WDPCP: variants seen among roughly 807,000 people sequenced by gnomAD.
The protein encoded by WDPCP is WD repeat containing planar cell polarity effector.
Under a neutral mutation model 93.1 loss-of-function variants are expected in WDPCP, and 71 were observed. That is an observed-to-expected ratio of 0.76 (90% CI 0.63 to 0.93). The LOEUF (loss-of-function observed/expected upper bound fraction) is 0.93. WDPCP is among the 40% of genes least tolerant of loss of function. WDPCP has a pLI of 0.00. For synonymous variants in WDPCP, 315 were observed against 315.0 expected (o/e 1.00, Z 0.00); for missense variants, 844 against 887.4 (o/e 0.95, Z 0.62).
At chr2:63,525,930 G>A (rs972512769) in intron 1 of WDPCP, among the ~76,000 whole-genome samples, 2 of 152,178 alleles carry the variant, frequency 1.3e-5, no homozygotes, top group Non-Finnish European at 2.9e-5. Flanking sequence ...AGTCACTTCA[G>A]GTTATGCTTT....
intron 3 of WDPCP, chr2:63,606,017 G>A: frequency 6.2e-7 from 1 of 1,613,872 alleles, no homozygotes; most frequent in Non-Finnish European, 8.5e-7. Context: ...CTCATTCCCT[G>A]TTGTAATCAA....
chr2:63,595,431 T>G (rs750637827), intron 3 of WDPCP: 2 of 1,605,488 alleles, frequency 1.2e-6, no homozygotes, highest in Non-Finnish European at 1.7e-6. Flanking sequence ...AGCCTATAAT[T>G]CTTGTGCTGT....
intron 2 of WDPCP, among the ~76,000 whole-genome samples, chr2:63,745,756 G>A (rs1669785346): frequency 6.6e-6 from 1 of 152,020 alleles, no homozygotes; most frequent in South Asian, 2.1e-4. Context: ...TGAATGTTCT[G>A]TATGACTCCT....
chr2:63,152,781 C>T, intron 17 of WDPCP, 133 bp downstream of exon 17: 1 of 755,310 alleles, frequency 1.3e-6, no homozygotes, highest in South Asian at 1.8e-5. Context: ...TAATATAGAC[C>T]AGTTAATCTA....
At chr2:63,782,942 C>G (rs1453812189) in intron 2 of WDPCP, among the ~76,000 whole-genome samples, 2 of 152,018 alleles carry the variant, frequency 1.3e-5, no homozygotes, top group African/African-American at 4.8e-5. Context: ...AGTGTCACTT[C>G]CTTATTAAAA....
At chr2:63,651,871 T>G (rs999705677) in intron 2 of WDPCP, among the ~76,000 whole-genome samples, 1 of 152,234 alleles carries the variant, frequency 6.6e-6, no homozygotes, top group Non-Finnish European at 1.5e-5. Flanking sequence ...CCTTGAAGAA[T>G]GAATACAATT....
intron 2 of WDPCP, among the ~76,000 whole-genome samples, chr2:63,800,612 C>T (rs772762950): frequency 6.6e-6 from 1 of 152,044 alleles, no homozygotes; most frequent in Admixed American, 6.6e-5. Flanking sequence ...TATGTGGGTC[C>T]CCTAGGCAGA....
intron 14 of WDPCP, among the ~76,000 whole-genome samples, chr2:63,211,600 GC>G (rs752116885): frequency 6.1e-4 from 93 of 152,312 alleles, no homozygotes; most frequent in Non-Finnish European, 1.1e-3. Flanking sequence ...ACAGAACAAA[GC>G]TGGATGGAGA....
At position 63,225,050 on chromosome 2, in the gene WDPCP, A is replaced by G. The variant is rs202076879; in HGVS notation, c.1915+34257T>C. ...CAGCTTAATTTTGCTGTGAACCTAC[A>G]ATGACTAAAAAAAAAAAAAGAAACC... On this transcript the variant is annotated intron_variant, in intron 14 of 17. Coordinates refer to ENST00000272321, the MANE Select transcript of WDPCP (RefSeq NM_015910.7). 4.6e-5 allele frequency among the ~76,000 whole-genome samples: 7 copies of G among 150,894 alleles called. No individual in the cohort carries two copies. In the East Asian group the frequency reaches 9.6e-4, roughly 21 times the overall value.
At chr2:63,828,986 A>G (rs919060547), upstream of WDPCP, among the ~76,000 whole-genome samples, 1 of 152,174 alleles carries the variant, frequency 6.6e-6, no homozygotes. Context: ...AAGCTTATAA[A>G]TTTGTATTTT....
intron 2 of WDPCP, among the ~76,000 whole-genome samples, chr2:63,662,001 G>C (rs1323162690): frequency 6.6e-6 from 1 of 152,182 alleles, no homozygotes; most frequent in Non-Finnish European, 1.5e-5. Context: ...AGAACTTAGA[G>C]ACAAGGTAAG....
At chr2:63,474,212 T>A (rs760977701) in intron 6 of WDPCP, among the ~76,000 whole-genome samples, 5 of 152,112 alleles carry the variant, frequency 3.3e-5, no homozygotes, top group Non-Finnish European at 7.4e-5. Flanking sequence ...GAATATCCAA[T>A]TACAGGATAT....
chr2:63,155,049 C>T (rs1161450189), intron 15 of WDPCP, among the ~76,000 whole-genome samples: 2 of 152,138 alleles, frequency 1.3e-5, no homozygotes. Context: ...AACTCCTTTG[C>T]TGGATATGTG....
chr2:63,588,971 T>C (rs541550600), upstream of WDPCP: 259 of 1,610,912 alleles, frequency 1.6e-4, 1 homozygote, highest in Middle Eastern at 1.6e-4. Flanking sequence ...CCGAGTCAGT[T>C]CCGCGGTAGA....
chr2:63,162,290 T>C (rs903289111), intron 15 of WDPCP, among the ~76,000 whole-genome samples: 2 of 152,232 alleles, frequency 1.3e-5, no homozygotes, highest in African/African-American at 2.4e-5. Context: ...ATTAATACTT[T>C]GATAAATTCA....
intron 2 of WDPCP, among the ~76,000 whole-genome samples, chr2:63,740,149 C>A (rs1181200716): frequency 6.6e-6 from 1 of 152,054 alleles, no homozygotes; most frequent in Non-Finnish European, 1.5e-5. Flanking sequence ...TACAAACATT[C>A]TCATATATGT....
At chr2:63,622,758 C>G (rs181906211) in intron 3 of WDPCP, 3 of 1,612,988 alleles carry the variant, frequency 1.9e-6, no homozygotes, top group Non-Finnish European at 1.7e-6. Flanking sequence ...ATTCGGGTAC[C>G]GCTGCCAGAA....
upstream of WDPCP, chr2:63,593,752 T>C (rs756770861): frequency 3.9e-5 from 18 of 460,076 alleles, no homozygotes; most frequent in Non-Finnish European, 6.7e-5. Context: ...CATTATTGTT[T>C]TGTTCTTTTT....
At chr2:63,507,236 A>G (rs1417564330) in intron 1 of WDPCP, among the ~76,000 whole-genome samples, 2 of 152,152 alleles carry the variant, frequency 1.3e-5, no homozygotes, top group African/African-American at 4.8e-5. Flanking sequence ...TAAATAAAAT[A>G]TAGTAAAAGT....
Sources: allele counts gnomAD v4.1 joint callset (sites outside exome capture counted in the v4.1 genomes callset), GRCh38; gene constraint gnomAD v4.1.1; transcripts MANE v1.5; gene names NCBI Gene and HGNC (gene_info 2026-07-23, HGNC 2026-07-21).